The following UIMC1 variants were observed in gnomAD, a reference collection of about 807,000 sequenced individuals.
The protein encoded by UIMC1 is ubiquitin interaction motif containing 1, also known as BRCA1-A complex subunit RAP80.
UIMC1 carries 42 observed loss-of-function variants against 84.9 expected under a neutral mutation model. The observed-to-expected ratio is 0.49, with a 90% CI of 0.39 to 0.64. The LOEUF (loss-of-function observed/expected upper bound fraction) is 0.64, where lower values mean the gene tolerates loss of function less well. Among genes scored for constraint, UIMC1 ranks in the 30% least tolerant of loss-of-function variants. The pLI, the probability that UIMC1 is intolerant of heterozygous loss-of-function variation, is 0.00. For synonymous variants in UIMC1, 281 were observed against 293.0 expected (o/e 0.96, Z 0.42); for missense variants, 825 against 847.6 (o/e 0.97, Z 0.33).
intron 11 of UIMC1, among the ~76,000 whole-genome samples, chr5:176,910,088 A>C (rs1581335515): frequency 6.6e-6 from 1 of 152,226 alleles, no homozygotes; most frequent in South Asian, 2.1e-4. Context: ...TAAGGCAAGT[A>C]TCTCTCTCAA....
rs552441191 is a variant in UIMC1 at position 177,021,106 on chromosome 5, C to G, written c.-9+1358G>C. On this transcript the variant is annotated intron_variant, in intron 1 of 5. Transcript: ENST00000509236. ...CAGCCTAGCTAACATAGTGAAACCC[C>G]GTCTCTACCAAAAATATAAAAATTA... 2.6e-5 allele frequency among the ~76,000 whole-genome samples: 4 copies of G among 152,090 alleles called. No homozygotes were observed. In the South Asian group the frequency reaches 8.3e-4, roughly 32 times the overall value.
rs1768009284 is a variant in UIMC1, at chr5:176,964,581, A to G, written c.1200+3974T>C. ...TGGTAAATTCATAAACTGGAATATAATATAGCCATTAAAAGTGAAATATAT... is the reference window on the plus strand; with the variant it reads ...TGGTAAATTCATAAACTGGAATATAGTATAGCCATTAAAAGTGAAATATAT... On this transcript the variant is annotated intron_variant, in intron 6 of 14. Transcript: ENST00000511320. Among the ~76,000 whole-genome samples, 8 of 152,370 alleles carry G rather than the reference A, an allele frequency of 5.3e-5. 2 individuals carry two copies. The South Asian group carries it at 1.7e-3, about 32-fold the overall frequency.
intron 10 of UIMC1, among the ~76,000 whole-genome samples, chr5:176,927,867 T>C (rs1445487774): frequency 2.8e-4 from 43 of 151,602 alleles, no homozygotes; most frequent in African/African-American, 9.7e-4. Context: ...TTTTTTTTTT[T>C]TGAGACAGAG....
At chr5:176,957,381 G>A (rs1021524616) in intron 7 of UIMC1, among the ~76,000 whole-genome samples, 1 of 152,126 alleles carries the variant, frequency 6.6e-6, no homozygotes, top group African/African-American at 2.4e-5. Flanking sequence ...AGGGCAAGTG[G>A]AAAGTAACTG....
intron 6 of UIMC1, among the ~76,000 whole-genome samples, chr5:176,960,501 A>C (rs1424701036): frequency 6.6e-6 from 1 of 152,142 alleles, no homozygotes; most frequent in Non-Finnish European, 1.5e-5. Flanking sequence ...AATTTAAGGA[A>C]GCTATGGCCT....
intron 10 of UIMC1, among the ~76,000 whole-genome samples, chr5:176,926,788 G>C (rs1191476141): frequency 2.0e-5 from 3 of 152,050 alleles, no homozygotes; most frequent in Admixed American, 6.5e-5. Flanking sequence ...AAGAGAAATA[G>C]GAGGGATAAA....
intron 13 of UIMC1, 63 bp from the exon 14 acceptor site, chr5:176,906,110 C>T (rs1561698668): frequency 1.5e-5 from 23 of 1,543,554 alleles, no homozygotes; most frequent in Non-Finnish European, 2.0e-5. Flanking sequence ...GCACTTCTCA[C>T]TGATCTTTTG....
chr5:176,948,044 A>C (rs1765363248), intron 9 of UIMC1, among the ~76,000 whole-genome samples: 1 of 151,864 alleles, frequency 6.6e-6, no homozygotes, highest in Admixed American at 6.6e-5. Flanking sequence ...CTTGTTCTGG[A>C]TCTTCCCCTT....
At chr5:176,952,506 T>C (rs1766011965) in intron 8 of UIMC1, among the ~76,000 whole-genome samples, 1 of 152,236 alleles carries the variant, frequency 6.6e-6, no homozygotes, top group African/African-American at 2.4e-5. Flanking sequence ...TAAGGTTTTA[T>C]TGGAACACAG....
intron 8 of UIMC1, among the ~76,000 whole-genome samples, chr5:176,952,634 T>C (rs897906839): frequency 6.6e-6 from 1 of 152,222 alleles, no homozygotes; most frequent in Admixed American, 6.5e-5. Context: ...TCTAGTCTTT[T>C]ATTTTTAAAA....
chr5:176,965,936 A>C (rs1207875170), intron 6 of UIMC1, among the ~76,000 whole-genome samples: 2 of 152,238 alleles, frequency 1.3e-5, no homozygotes, highest in Non-Finnish European at 2.9e-5. Flanking sequence ...TTATTTTAAG[A>C]AGCAGCATCT....
intron 8 of UIMC1, among the ~76,000 whole-genome samples, chr5:176,952,625 C>G (rs1766028661): frequency 6.6e-6 from 1 of 152,176 alleles, no homozygotes; most frequent in Non-Finnish European, 1.5e-5. Context: ...TATTTCCTAT[C>G]TAGTCTTTTA....
intron 6 of UIMC1, among the ~76,000 whole-genome samples, chr5:176,958,905 G>A (rs1233334772): frequency 6.6e-6 from 1 of 152,226 alleles, no homozygotes; most frequent in Non-Finnish European, 1.5e-5. Flanking sequence ...TGCTGCCTTA[G>A]GCAGACTTCT....
At chr5:176,945,523 T>C (rs1435387309) in intron 9 of UIMC1, among the ~76,000 whole-genome samples, 1 of 152,234 alleles carries the variant, frequency 6.6e-6, no homozygotes, top group African/African-American at 2.4e-5. Flanking sequence ...CGTGATGTGC[T>C]TCCCCCTGTA....
chr5:177,011,337 C>A (rs1485083404), upstream of UIMC1, among the ~76,000 whole-genome samples: 1 of 152,120 alleles, frequency 6.6e-6, no homozygotes, highest in Non-Finnish European at 1.5e-5. Context: ...CCCAGGAGTT[C>A]AAGGATGTAG....
At chr5:176,972,068 A>G (rs967406574) in intron 3 of UIMC1, among the ~76,000 whole-genome samples, 6 of 152,102 alleles carry the variant, frequency 3.9e-5, no homozygotes, top group African/African-American at 1.2e-4. Flanking sequence ...CACAAGCTAT[A>G]CTACTGGGTA....
At chr5:176,926,904 C>T (rs1257360840) in intron 10 of UIMC1, among the ~76,000 whole-genome samples, 2 of 152,162 alleles carry the variant, frequency 1.3e-5, no homozygotes, top group Admixed American at 1.3e-4. Flanking sequence ...TCAGTTCCCA[C>T]ACTACCAATT....
chr5:176,933,313 T>C (rs920858736), intron 10 of UIMC1, among the ~76,000 whole-genome samples: 4 of 152,206 alleles, frequency 2.6e-5, no homozygotes, highest in Admixed American at 2.0e-4. Flanking sequence ...AATGTCAACT[T>C]CACTACTAAT....
chr5:176,952,942 G>A lies in UIMC1; in HGVS notation c.1340-1365C>T, dbSNP rs75957844. Among the ~76,000 whole-genome samples, 553 of 152,210 alleles carry A rather than the reference G, an allele frequency of 3.6e-3. 5 individuals carry two copies. The highest frequency in any genetic ancestry group is 0.013 in the African/African-American group (523 of 41,544). Reference sequence around the variant, plus strand: ...CAGACTGAATGTTTGTGTACCCCCCGAACTTCGTATGTTGAAATCCCAACC... The same window carrying A: ...CAGACTGAATGTTTGTGTACCCCCCAAACTTCGTATGTTGAAATCCCAACC... On this transcript the variant is annotated intron_variant, in intron 8 of 14. Transcript: ENST00000511320.
Sources: gnomAD v4.1 joint callset for allele counts (sites outside exome capture counted in the v4.1 genomes callset) on GRCh38, gnomAD v4.1.1 for gene constraint, MANE v1.5 for transcripts, NCBI Gene and HGNC (gene_info 2026-07-23, HGNC 2026-07-21) for gene names.